Variants in SCN7A observed in about 807,000 individuals in gnomAD.
SCN7A encodes sodium voltage-gated channel alpha subunit 7, also known as sodium channel protein type 7 subunit alpha.
In SCN7A, 138 loss-of-function variants were observed where a neutral mutation model predicts 155.2. The ratio of observed to expected loss-of-function variants is 0.89; its 90% CI spans 0.77 to 1.02. SCN7A has a LOEUF of 1.02. SCN7A is among the 50% of genes least tolerant of loss of function. The probability of loss-of-function intolerance (pLI) is 0.00; values close to 1 mark genes in which losing one functional copy is unlikely to be tolerated. For synonymous variants in SCN7A, 693 were observed against 649.0 expected (o/e 1.07, Z -1.03); for missense variants, 2,058 against 1,986.6 (o/e 1.04, Z -0.68).
rs761546126 is a variant in SCN7A, at chr2:166,470,615, C to T, written c.664G>A (p.Gly222Ser). 4 of 1,598,620 alleles carry T rather than the reference C, an allele frequency of 2.5e-6. No individual in the cohort carries two copies. The South Asian group carries it at 3.4e-5, about 13-fold the overall frequency. The change falls in exon 7 of 26, where the codon GGT (glycine) becomes AGT (serine). Residue 222 changes from glycine (G) to serine (S), a missense_variant and splice_region_variant. Coordinates refer to ENST00000643258, the MANE Select transcript of SCN7A (RefSeq NM_002976.4). Reference sequence around the variant, plus strand: ...AAAGACATTCAATGCAATTTCTTACCTTGATTTAAAGGAATAATTTTTAAA... The same window carrying T: ...AAAGACATTCAATGCAATTTCTTACTTTGATTTAAAGGAATAATTTTTAAA... The part of the protein sequence containing the change: ...RILKIIPLNQ[G>S]LKSLVGVLIH...
In SCN7A at chr2:166,421,266, C is replaced by T. The variant is rs577816908; in HGVS notation, c.3059G>A (p.Arg1020Gln). Residue 1020 changes from arginine to glutamine, a missense_variant, in exon 20 of 26, where the codon CGG (arginine) becomes CAG (glutamine). Transcript: ENST00000643258. ...GGAAATAAGAGGTTTTAGTTCTTCC[C>T]GAGTTTTGCCTATTAAGCTAAGACA... ...VFCLSLIGKTREELKPLISMK... is the reference protein window; with the variant it reads ...VFCLSLIGKTQEELKPLISMK... The T allele has an allele frequency of 2.2e-4, 344 of 1,529,970 alleles. No individual in the cohort carries two copies. Among genetic ancestry groups the T allele is most frequent in the South Asian group, 4.6e-4 (36 of 78,782 alleles). The allele number at this position is 1,529,970 out of a possible 1,614,324, so 94.8% of individuals were successfully genotyped here.
At position 166,421,309 on chromosome 2, in the gene SCN7A, T is replaced by C; in HGVS notation, c.3028-12A>G. The C allele has an allele frequency of 1.4e-6, 2 of 1,434,528 alleles. No homozygotes were observed. The highest frequency in any genetic ancestry group is 2.6e-5 in the East Asian group (1 of 39,092). 88.9% of individuals were successfully genotyped at this position (1,434,528 alleles called of 1,614,324 possible). A position where few individuals can be genotyped will look rare whatever the true frequency, so the allele number is the denominator to read the frequency against. On this transcript the variant is annotated splice_polypyrimidine_tract_variant and intron_variant, in intron 19 of 25. Transcript: ENST00000643258. Reference sequence around the variant, plus strand: ...CTAAGACAAAACACCTATATATTTTTTTTAAAAAAAGAGTGAATAGGATTC... The same window carrying C: ...CTAAGACAAAACACCTATATATTTTCTTTAAAAAAAGAGTGAATAGGATTC...
At position 166,417,333 on chromosome 2, in the gene SCN7A, T is replaced by G. The variant is rs182777179; in HGVS notation, c.3136-348A>C. On this transcript the variant is annotated intron_variant, in intron 20 of 25. Coordinates refer to ENST00000643258, the MANE Select transcript of SCN7A (RefSeq NM_002976.4). ...CTAAAAATACAAAAAATTAGCCAGG[T>G]GTGGTGGCGGACACCTGTAGTCCCA... Among the ~76,000 whole-genome samples the G allele has an allele frequency of 6.9e-3, 1,042 of 151,838 alleles. 5 individuals carry two copies. The highest frequency in any genetic ancestry group is 0.01 in the Non-Finnish European group (689 of 67,936).
chr2:166,486,238 C>A (rs908130365), intron 2 of SCN7A, among the ~76,000 whole-genome samples: 77 of 152,238 alleles, frequency 5.1e-4, no homozygotes, highest in African/African-American at 1.8e-3. Flanking sequence ...TTGTTGCCAG[C>A]TTCTCCTCAG....
intron 7 of SCN7A, among the ~76,000 whole-genome samples, chr2:166,469,852 T>C (rs5001924): frequency 0.016 from 2,452 of 152,008 alleles, 80 homozygotes; most frequent in East Asian, 0.12. Flanking sequence ...CACAATTCAA[T>C]AGCTTAATGT....
chr2:166,413,368 CAGAT>C (rs1316807459), intron 21 of SCN7A, among the ~76,000 whole-genome samples: 1 of 151,878 alleles, frequency 6.6e-6, no homozygotes, highest in East Asian at 1.9e-4. Flanking sequence ...AATAGAGAAA[CAGAT>C]ATATAAATGG....
chr2:166,412,460 G>A lies in SCN7A; in HGVS notation c.3606+70C>T, dbSNP rs1701222170. The A allele has an allele frequency of 3.1e-6, 4 of 1,286,108 alleles. No individual in the cohort carries two copies. In the Admixed American group the frequency reaches 1.7e-4, roughly 54 times the overall value. 79.7% of individuals were successfully genotyped at this position (1,286,108 alleles called of 1,614,324 possible). A position where few individuals can be genotyped will look rare whatever the true frequency, so the allele number is the denominator to read the frequency against. On this transcript the variant is annotated intron_variant, in intron 23 of 25. Coordinates refer to ENST00000643258, the MANE Select transcript of SCN7A (RefSeq NM_002976.4). ...ATCCAAAGCCAATTATTTGAAGCAG[G>A]GCATTTATATATTTATGTGTATGCC...
chr2:166,464,814 G>C (rs1702492051), intron 9 of SCN7A, among the ~76,000 whole-genome samples: 1 of 152,112 alleles, frequency 6.6e-6, no homozygotes, highest in Admixed American at 6.5e-5. Context: ...ATTCTCACTA[G>C]CTCTGGAGCA....
intron 21 of SCN7A, among the ~76,000 whole-genome samples, chr2:166,414,281 T>TCTATATATGTAAATATATATAG (rs1701303234): frequency 3.1e-5 from 1 of 31,792 alleles, no homozygotes; most frequent in African/African-American, 1.3e-4. Context: ...CATATATATA[T>TCTATATATGTAAATATATATAG]ATATACACAC....
Position 166,403,843 on chromosome 2 carries a change from C to T in SCN7A, c.*1737G>A, listed in dbSNP as rs1701008354. 5.9e-5 allele frequency: 9 copies of T among 151,564 alleles called. No homozygotes were observed. In the South Asian group the frequency reaches 1.9e-3, roughly 32 times the overall value. 9.4% of individuals were successfully genotyped at this position (151,564 alleles called of 1,614,324 possible). On this transcript the variant is annotated 3_prime_UTR_variant, in exon 26 of 26. Coordinates refer to ENST00000643258, the MANE Select transcript of SCN7A (RefSeq NM_002976.4). Reference sequence around the variant, plus strand: ...AGAAAACGGAGCTTAGATAAAGCACCAGCTGTCACATTGTCACCAAGTTAA... The same window carrying T: ...AGAAAACGGAGCTTAGATAAAGCACTAGCTGTCACATTGTCACCAAGTTAA...
chr2:166,413,702 C>A (rs1380277346), intron 21 of SCN7A, among the ~76,000 whole-genome samples: 1 of 151,656 alleles, frequency 6.6e-6, no homozygotes, highest in East Asian at 2.0e-4. Flanking sequence ...ACAGACCCAC[C>A]TTTAATCTGG....
rs752885268 is a variant in SCN7A, at chr2:166,427,839, A to G, written c.2802T>C (p.Asn934=). The G allele has an allele frequency of 3.5e-5, 57 of 1,612,026 alleles. No homozygotes were observed. The African/African-American group carries it at 5.9e-4, about 17-fold the overall frequency. Residue 934 remains asparagine (N), a synonymous_variant, in exon 18 of 26, where the codon AAT becomes AAC. Transcript: ENST00000643258. ...RKTCCKIVEN[N]WFKCFIGLVT... ...CAAGCCCAATAAAACACTTAAACCAATTGTTCTCTACAATCTTGCAGCAGG... is the reference window on the plus strand; with the variant it reads ...CAAGCCCAATAAAACACTTAAACCAGTTGTTCTCTACAATCTTGCAGCAGG...
chr2:166,453,232 G>C (rs1702209736), intron 11 of SCN7A, among the ~76,000 whole-genome samples: 2 of 152,054 alleles, frequency 1.3e-5, no homozygotes, highest in Non-Finnish European at 2.9e-5. Flanking sequence ...CAGTAGAAAG[G>C]CAACAGTGTA....
At position 166,412,686 on chromosome 2, in the gene SCN7A, C is replaced by A. The variant is rs757978294; in HGVS notation, c.3469-19G>T. The A allele has an allele frequency of 6.8e-7, 1 of 1,469,516 alleles. No individual in the cohort carries two copies. The allele number at this position is 1,469,516 out of a possible 1,614,324, so 91.0% of individuals were successfully genotyped here. A position where few individuals can be genotyped will look rare whatever the true frequency, so the allele number is the denominator to read the frequency against. ...TATTAACCTAGAAGTTTAAAATAAG[C>A]AAATTATTGATATTGGCTTTTTAAA... On this transcript the variant is annotated intron_variant, in intron 22 of 25. Coordinates refer to ENST00000643258, the MANE Select transcript of SCN7A (RefSeq NM_002976.4).
At chr2:166,419,243 G>GGT (rs540683788) in intron 20 of SCN7A, among the ~76,000 whole-genome samples, 1,744 of 151,056 alleles carry the variant, frequency 0.012, 7 homozygotes, top group Non-Finnish European at 0.018. Context: ...TACTTAGGGG[G>GGT]GTGTGTGTGT....
At chr2:166,410,047 A>T (rs1233804540) in intron 24 of SCN7A, 112 bp from the exon 25 acceptor site, 1 of 1,258,908 alleles carries the variant, frequency 7.9e-7, no homozygotes, top group Non-Finnish European at 1.1e-6. Context: ...ATAAGTGTGA[A>T]CCTAAATTTT....
intron 11 of SCN7A, 147 bp downstream of exon 11, chr2:166,456,723 T>C (rs889307975): frequency 2.4e-5 from 9 of 374,662 alleles, no homozygotes; most frequent in Admixed American, 9.0e-5. Context: ...GTGACCACCA[T>C]GGGACCAGCA....
In SCN7A at chr2:166,473,899, G is replaced by C; in HGVS notation, c.354-11C>G. 7.1e-7 allele frequency: 1 copy of C among 1,400,802 alleles called. No homozygotes were observed. Among genetic ancestry groups the C allele is most frequent in the Non-Finnish European group, 1.0e-6 (1 of 1,001,558 alleles). 86.8% of individuals were successfully genotyped at this position (1,400,802 alleles called of 1,614,324 possible). A position where few individuals can be genotyped will look rare whatever the true frequency, so the allele number is the denominator to read the frequency against. On this transcript the variant is annotated splice_polypyrimidine_tract_variant and intron_variant, in intron 4 of 25. Transcript: ENST00000643258. ...AACAGTTGGAAAAAGGTAGCTTATA[G>C]TCAAGGAATAATAGTTAATAAATAA...
At chr2:166,428,228 T>C (rs993688357) in intron 17 of SCN7A, among the ~76,000 whole-genome samples, 6 of 152,062 alleles carry the variant, frequency 3.9e-5, no homozygotes, top group African/African-American at 1.2e-4. Context: ...AGTCTGAGAA[T>C]AGGTATTCAC....
Sources: gnomAD v4.1 joint callset for allele counts (sites outside exome capture counted in the v4.1 genomes callset) on GRCh38, gnomAD v4.1.1 for gene constraint, MANE v1.5 for transcripts, NCBI Gene and HGNC (gene_info 2026-07-23, HGNC 2026-07-21) for gene names.